The following LAMA1 variants were observed in gnomAD, a reference collection of about 807,000 sequenced individuals.
The protein encoded by LAMA1 is laminin subunit alpha-1.
LAMA1 carries 219 observed loss-of-function variants against 348.7 expected under a neutral mutation model. That is an observed-to-expected ratio of 0.63 (90% CI 0.56 to 0.70). The LOEUF is 0.70. Ranked by LOEUF, LAMA1 falls within the 30% of genes least tolerant of loss-of-function variation. The probability of loss-of-function intolerance (pLI) is 0.00; values close to 1 mark genes in which losing one functional copy is unlikely to be tolerated. For missense variants in LAMA1, 3,744 were observed against 3,888.0 expected, an observed-to-expected ratio of 0.96 and a Z score of 0.99; for synonymous variants, 1,487 against 1,491.0, an observed-to-expected ratio of 1.00 and a Z score of 0.06.
Position 6,973,146 on chromosome 18 carries a change from T to C in LAMA1, c.6685A>G (p.Lys2229Glu). The change falls in exon 47 of 63, where the codon AAA (lysine) becomes GAA (glutamate). Residue 2229 changes from lysine to glutamate, a missense_variant. By Grantham distance (56) the Lys-to-Glu change is moderately conservative (BLOSUM62 1). This residue lies in a region of LAMA1 where 1,983 missense variants were observed against 1,934.3 expected (regional missense o/e 1.03). Transcript: ENST00000389658. ...GCTGTCCCAGGGGATTTACTTGTTT[T>C]TGTTGGTGACTTTTGATTTGAGCTC... is the stretch of plus-strand genomic sequence containing the variant. ...EMSSNQKSPT[K>E]TSKSPGTANV... The C allele has an allele frequency of 6.2e-7, 1 of 1,614,204 alleles. No individual in the cohort carries two copies. The highest frequency in any genetic ancestry group is 8.5e-7 in the Non-Finnish European group (1 of 1,179,990).
rs753470690 is a variant in LAMA1 at position 6,985,630 on chromosome 18, T to C, written c.5393A>G (p.His1798Arg). ...NLREFSDKKL[H>R]VQEEQNLTSE... Reference sequence around the variant, plus strand: ...GGTCAGATTTTGTTCTTCTTGAACATGCAGCTTTTTATCCTGCAGCAGAAA... The same window carrying C: ...GGTCAGATTTTGTTCTTCTTGAACACGCAGCTTTTTATCCTGCAGCAGAAA... The change falls in exon 38 of 63, where the codon CAT (histidine) becomes CGT (arginine). Residue 1798 changes from histidine (H) to arginine (R), a missense_variant. His to Arg is a conservative substitution (Grantham distance 29). This residue lies in a region of LAMA1 where 1,983 missense variants were observed against 1,934.3 expected (regional missense o/e 1.03). Coordinates refer to ENST00000389658, the MANE Select transcript of LAMA1 (RefSeq NM_005559.4). 9 of 1,612,622 alleles carry C rather than the reference T, an allele frequency of 5.6e-6. No individual in the cohort carries two copies. The African/African-American group carries it at 1.2e-4, about 22-fold the overall frequency.
Position 6,977,740 on chromosome 18 carries a change from T to C in LAMA1, c.6332A>G (p.Lys2111Arg), listed in dbSNP as rs1248972498. 1.2e-6 allele frequency: 2 copies of C among 1,614,014 alleles called. No homozygotes were observed. The highest frequency in any genetic ancestry group is 1.7e-6 in the Non-Finnish European group (2 of 1,180,002). ...EIKLLISQAR[K>R]QAASIKVAVS... ...CCCCAAACTCACAGAAGCTGCTTGT[T>C]TGCGGGCCTGGCTGATCAACAGTTT... is the stretch of plus-strand genomic sequence containing the variant. Residue 2111 changes from lysine to arginine, a missense_variant, in exon 44 of 63, where the codon AAA becomes AGA. By Grantham distance (26) the Lys-to-Arg change is conservative. Coordinates refer to ENST00000389658, the MANE Select transcript of LAMA1 (RefSeq NM_005559.4).
intron 1 of LAMA1, among the ~76,000 whole-genome samples, chr18:7,082,828 A>G (rs1287388401): frequency 6.6e-6 from 1 of 152,208 alleles, no homozygotes; most frequent in Non-Finnish European, 1.5e-5. Context: ...ACAAGAACTG[A>G]CTTCACAATG....
At chr18:6,983,467 C>T (rs2057721301) in intron 39 of LAMA1, among the ~76,000 whole-genome samples, 1 of 152,160 alleles carries the variant, frequency 6.6e-6, no homozygotes, top group African/African-American at 2.4e-5. Context: ...TCAATCAATA[C>T]CCAAGAAGAG....
At chr18:6,954,852 G>A (rs1444772747) in intron 57 of LAMA1, 1 of 225,310 alleles carries the variant, frequency 4.4e-6, no homozygotes, top group Non-Finnish European at 8.8e-6. Context: ...GCAACATGGA[G>A]TCCGGGAGCC....
Position 7,012,013 on chromosome 18 carries a change from C to A in LAMA1, c.3489G>T (p.Glu1163Asp). The A allele has an allele frequency of 6.2e-7, 1 of 1,608,606 alleles. No individual in the cohort carries two copies. Among genetic ancestry groups the A allele is most frequent in the Admixed American group, 1.7e-5 (1 of 59,278 alleles). ...GACTTACTGGGGTCCTCACGTAGTCCTCCAGCTCTGAGCAGAGGTGGGACA... is the reference window on the plus strand; with the variant it reads ...GACTTACTGGGGTCCTCACGTAGTCATCCAGCTCTGAGCAGAGGTGGGACA... ...SGLSHLCSEL[E>D]DYVRTPVTLG... The change falls in exon 24 of 63, where the codon GAG (glutamate) becomes GAT (aspartate). Residue 1163 changes from glutamate to aspartate, a missense_variant. Physicochemically the swap from Glu to Asp is conservative, Grantham distance 45 (BLOSUM62 2). Around this residue, in one of 3 missense-constraint regions of LAMA1, gnomAD observed 1,529 missense variants for 1,689.4 expected, o/e 0.91. Coordinates refer to ENST00000389658, the MANE Select transcript of LAMA1 (RefSeq NM_005559.4).
Position 6,985,552 on chromosome 18 carries a change from G to C in LAMA1, c.5471C>G (p.Thr1824Arg), listed in dbSNP as rs758431200. The C allele has an allele frequency of 1.5e-5, 25 of 1,614,036 alleles. No homozygotes were observed. The highest frequency in any genetic ancestry group is 2.0e-5 in the Non-Finnish European group (24 of 1,179,994). The change falls in exon 38 of 63, where the codon ACA becomes AGA. Residue 1824 changes from threonine to arginine, a missense_variant. This residue lies in a region of LAMA1 where 1,983 missense variants were observed against 1,934.3 expected (regional missense o/e 1.03). Coordinates refer to ENST00000389658, the MANE Select transcript of LAMA1 (RefSeq NM_005559.4). ...CTCTAGAGCATCTTGTACAGCATCT[G>C]TTTGTGCAGCAGCAGCATCTATCAA... ...RGLIDAAAAQ[T>R]DAVQDALEHL...
intron 54 of LAMA1, 86 bp downstream of exon 54, chr18:6,959,254 GC>G: frequency 6.3e-7 from 1 of 1,575,986 alleles, no homozygotes; most frequent in Admixed American, 1.7e-5. Context: ...TCATCTAGCC[GC>G]CCAGGGCACC....
chr18:7,037,902 A>ATGACCCT, intron 11 of LAMA1, 151 bp from the exon 12 acceptor site: 1 of 777,110 alleles, frequency 1.3e-6, no homozygotes, highest in South Asian at 1.5e-5. Context: ...GCTGAACCTC[A>ATGACCCT]TGACCCTTGA....
rs753942100 is a variant in LAMA1, at chr18:7,049,230, G to A, written c.616C>T (p.Pro206Ser). Residue 206 changes from proline (P) to serine (S), a missense_variant, in exon 5 of 63, where the codon CCA (proline) becomes TCA (serine). By Grantham distance (74) the Pro-to-Ser change is moderately conservative. Coordinates refer to ENST00000389658, the MANE Select transcript of LAMA1 (RefSeq NM_005559.4). ...EIHTSLINGR[P>S]SADDLSPKLL... ...TTGGGTGAAAGATCGTCAGCGCTTGGTCTGCCATTGATGAGTGATGTATGA... is the reference window on the plus strand; with the variant it reads ...TTGGGTGAAAGATCGTCAGCGCTTGATCTGCCATTGATGAGTGATGTATGA... 1.2e-6 allele frequency: 2 copies of A among 1,614,056 alleles called. No individual in the cohort carries two copies. Among genetic ancestry groups the A allele is most frequent in the South Asian group, 2.2e-5 (2 of 91,062 alleles).
At chr18:6,943,076 C>T (rs2143958499) in intron 62 of LAMA1, 104 bp downstream of exon 62, 1 of 983,038 alleles carries the variant, frequency 1.0e-6, no homozygotes, top group Non-Finnish European at 1.6e-6. Flanking sequence ...ATTTGTCACC[C>T]AAACCATGTA....
rs1451435289 is a variant in LAMA1, at chr18:6,983,125, G to A, written c.5770C>T (p.His1924Tyr). 1.9e-6 allele frequency: 3 copies of A among 1,614,134 alleles called. No individual in the cohort carries two copies. Among genetic ancestry groups the A allele is most frequent in the South Asian group, 1.1e-5 (1 of 91,084 alleles). The change falls in exon 40 of 63, where the codon CAC (histidine) becomes TAC (tyrosine). Residue 1924 changes from histidine to tyrosine, a missense_variant. By Grantham distance (83) the His-to-Tyr change is moderately conservative. Transcript: ENST00000389658. ...AGGCTCGTCTCAGTCACAGTCCTGT[G>A]AGCATCTCTGGCCAGTTCCTCCGAT... ...EESEELARDA[H>Y]RTVTETSLLS...
At chr18:7,094,105 A>G (rs1254917568) in intron 1 of LAMA1, among the ~76,000 whole-genome samples, 1 of 151,824 alleles carries the variant, frequency 6.6e-6, no homozygotes, top group African/African-American at 2.4e-5. Flanking sequence ...ACATGTACAA[A>G]TCTCCTGGGT....
chr18:7,035,427 A>AT (rs35171103), intron 13 of LAMA1, among the ~76,000 whole-genome samples: 49 of 147,992 alleles, frequency 3.3e-4, no homozygotes, highest in South Asian at 1.1e-3. Flanking sequence ...TTTACTTAAA[A>AT]TTTTTTTTTT....
Position 7,032,160 on chromosome 18 carries a change from TAGCC to T in LAMA1, c.2176_2179del (p.Gly726IlefsTer71). On this transcript the variant is annotated frameshift_variant, in exon 16 of 63. Coordinates refer to ENST00000389658, the MANE Select transcript of LAMA1 (RefSeq NM_005559.4). LOFTEE classifies it high-confidence loss of function. The stretch of plus-strand genomic sequence containing the variant: ...AAAGAGTATTCCATCCACGCGGTAA[TAGCC>T]AGAGAGGCACGACTGCAAGAGAAGG... 1.9e-6 allele frequency: 3 copies of T among 1,613,660 alleles called. No individual in the cohort carries two copies. The highest frequency in any genetic ancestry group is 2.5e-6 in the Non-Finnish European group (3 of 1,179,596).
At chr18:7,003,205 T>A (rs558233212) in intron 29 of LAMA1, among the ~76,000 whole-genome samples, 56 of 151,894 alleles carry the variant, frequency 3.7e-4, no homozygotes, top group Admixed American at 9.8e-4. Flanking sequence ...TTTTATATCA[T>A]CCTTTGGACC....
chr18:7,099,579 A>G (rs1398754900), intron 1 of LAMA1, among the ~76,000 whole-genome samples: 1 of 152,132 alleles, frequency 6.6e-6, no homozygotes, highest in Non-Finnish European at 1.5e-5. Flanking sequence ...TAAGAGCTAA[A>G]TTATAAACTT....
At chr18:6,983,020 G>T in intron 40 of LAMA1, 79 bp downstream of exon 40, 2 of 1,561,428 alleles carry the variant, frequency 1.3e-6, no homozygotes, top group South Asian at 2.2e-5. Flanking sequence ...CAGAAATTGG[G>T]GCCACTGAAT....
At chr18:6,966,359 CACTT>C (rs2057633427) in intron 48 of LAMA1, 62 bp from the exon 49 acceptor site, 1 of 1,442,660 alleles carries the variant, frequency 6.9e-7, no homozygotes, top group Non-Finnish European at 9.6e-7. Context: ...ACCAAGAACA[CACTT>C]ACTGAGTTCT....
Sources: allele counts gnomAD v4.1 joint callset (sites outside exome capture counted in the v4.1 genomes callset), GRCh38; gene constraint gnomAD v4.1.1; regional missense constraint gnomAD v4.1.1; transcripts MANE v1.5; gene names NCBI Gene and HGNC (gene_info 2026-07-23, HGNC 2026-07-21).